The following LSAMP variants were observed in gnomAD, a reference collection of about 807,000 sequenced individuals.
LSAMP encodes limbic system associated membrane protein, also known as limbic system-associated membrane protein.
A neutral mutation model predicts 38.6 loss-of-function variants in LSAMP; 7 were observed. The ratio of observed to expected loss-of-function variants is 0.18; its 90% CI spans 0.10 to 0.34. The LOEUF is 0.34. LSAMP is among the 10% of genes least tolerant of loss of function. The pLI is 1.00. For synonymous variants in LSAMP, 154 were observed against 166.8 expected (o/e 0.92, Z 0.59); for missense variants, 313 against 420.0 (o/e 0.75, Z 2.23).
At chr3:116,066,134 C>G (rs1707422220) in intron 2 of LSAMP, among the ~76,000 whole-genome samples, 1 of 152,056 alleles carries the variant, frequency 6.6e-6, no homozygotes, top group African/African-American at 2.4e-5. Flanking sequence ...TGATGAGGAC[C>G]CACTTCCTGG....
chr3:115,875,708 A>G (rs1936162948), intron 3 of LSAMP, among the ~76,000 whole-genome samples: 1 of 152,044 alleles, frequency 6.6e-6, no homozygotes, highest in African/African-American at 2.4e-5. Flanking sequence ...CCTCATTAGC[A>G]TTATTTCCAG....
chr3:116,192,784 C>G (rs1710783570), intron 1 of LSAMP, among the ~76,000 whole-genome samples: 1 of 152,110 alleles, frequency 6.6e-6, no homozygotes, highest in Non-Finnish European at 1.5e-5. Context: ...TCTTTTGAAG[C>G]AATTAGGTTA....
chr3:116,141,490 T>C (rs900102564), intron 1 of LSAMP, among the ~76,000 whole-genome samples: 1 of 151,956 alleles, frequency 6.6e-6, no homozygotes, highest in African/African-American at 2.4e-5. Flanking sequence ...CATTATACTC[T>C]GCGATTTTCG....
In LSAMP at chr3:115,806,380, CA is replaced by C. The variant is rs947185816; in HGVS notation, c.*3936del. ...CAAATAATTCGAGCCCTGCAAAGAACAAAATGAAAAATTCAGGGAGAATAGC... is the reference window on the plus strand; with the variant it reads ...CAAATAATTCGAGCCCTGCAAAGAACAAATGAAAAATTCAGGGAGAATAGC... On this transcript the variant is annotated 3_prime_UTR_variant, in exon 7 of 7. Coordinates refer to ENST00000490035, the MANE Select transcript of LSAMP (RefSeq NM_002338.5). 2.6e-5 allele frequency: 4 copies of C among 151,978 alleles called. No individual in the cohort carries two copies. The highest frequency in any genetic ancestry group is 2.0e-4 in the Admixed American group (3 of 15,246). The allele number at this position is 151,978 out of a possible 1,614,324, so 9.4% of individuals were successfully genotyped here.
At chr3:116,354,953 C>T (rs1241560631) in intron 1 of LSAMP, among the ~76,000 whole-genome samples, 5 of 151,688 alleles carry the variant, frequency 3.3e-5, no homozygotes, top group African/African-American at 1.2e-4. Flanking sequence ...TATCAAATGG[C>T]ATGACTGATT....
chr3:116,168,143 T>G (rs564493811), intron 1 of LSAMP, among the ~76,000 whole-genome samples: 1 of 152,370 alleles, frequency 6.6e-6, no homozygotes, highest in Admixed American at 6.5e-5. Context: ...TTGTTCCTTT[T>G]TCTAAATAAT....
In LSAMP at chr3:116,004,661, T is replaced by C. The variant is rs181443337; in HGVS notation, c.514+14854A>G. ...GCATGTATATACATATATGTATATATGTATGTACTTTTATACCATTTTTAT... is the reference window on the plus strand; with the variant it reads ...GCATGTATATACATATATGTATATACGTATGTACTTTTATACCATTTTTAT... On this transcript the variant is annotated intron_variant, in intron 3 of 6. Coordinates refer to ENST00000490035, the MANE Select transcript of LSAMP (RefSeq NM_002338.5). Among the ~76,000 whole-genome samples the C allele has an allele frequency of 2.0e-4, 31 of 151,968 alleles. No homozygotes were observed. The East Asian group carries it at 5.8e-3, about 28-fold the overall frequency.
chr3:116,051,347 G>C (rs540485829), intron 2 of LSAMP: 2 of 152,154 alleles, frequency 1.3e-5, no homozygotes, highest in African/African-American at 4.8e-5. Flanking sequence ...GATTAGTGAG[G>C]GAAAAAAAGA....
intron 1 of LSAMP, among the ~76,000 whole-genome samples, chr3:116,104,816 C>T (rs754363544): frequency 6.6e-6 from 1 of 152,174 alleles, no homozygotes; most frequent in Non-Finnish European, 1.5e-5. Context: ...CCTAAATCTA[C>T]ACAAAAAGAC....
chr3:116,210,023 G>T (rs1172220401), intron 1 of LSAMP, among the ~76,000 whole-genome samples: 2 of 152,064 alleles, frequency 1.3e-5, no homozygotes, highest in Non-Finnish European at 2.9e-5. Flanking sequence ...CAAAGTCCTG[G>T]GATTACAGGC....
In LSAMP at chr3:116,397,405, A is replaced by G. The variant is rs2048783382; in HGVS notation, c.155+47472T>C. 3.1e-5 allele frequency among the ~76,000 whole-genome samples: 3 copies of G among 96,906 alleles called. No homozygotes were observed. The South Asian group carries it at 1.2e-3, about 40-fold the overall frequency. 63.6% of individuals were successfully genotyped at this position (96,906 alleles called of 152,430 possible). A position where few individuals can be genotyped will look rare whatever the true frequency, so the allele number is the denominator to read the frequency against. ...ATACCCGCCCCCCCCCCACACACAC[A>G]TACACACACATAAACCTTTGAAAAC... On this transcript the variant is annotated intron_variant, in intron 1 of 6. Transcript: ENST00000490035.
At chr3:116,438,939 A>G (rs576170430) in intron 1 of LSAMP, among the ~76,000 whole-genome samples, 2 of 152,272 alleles carry the variant, frequency 1.3e-5, no homozygotes, top group African/African-American at 4.8e-5. Context: ...TATATTTCTC[A>G]AACGATACAA....
intron 1 of LSAMP, among the ~76,000 whole-genome samples, chr3:116,252,257 C>T (rs1019560916): frequency 6.6e-6 from 1 of 152,144 alleles, no homozygotes; most frequent in African/African-American, 2.4e-5. Context: ...TTAAGGAGGG[C>T]AAGGCAGTTG....
chr3:116,435,688 G>A (rs1459678161), intron 1 of LSAMP, among the ~76,000 whole-genome samples: 2 of 152,114 alleles, frequency 1.3e-5, no homozygotes, highest in African/African-American at 2.4e-5. Flanking sequence ...TTAGCCCAAG[G>A]TAAATTTTGT....
At chr3:115,985,548 A>G (rs900835011) in intron 3 of LSAMP, among the ~76,000 whole-genome samples, 2 of 152,200 alleles carry the variant, frequency 1.3e-5, no homozygotes, top group Non-Finnish European at 2.9e-5. Context: ...TACCCATGTT[A>G]TCCTACAGTT....
chr3:116,254,947 TA>T (rs1438017815), intron 1 of LSAMP, among the ~76,000 whole-genome samples: 1 of 152,156 alleles, frequency 6.6e-6, no homozygotes, highest in African/African-American at 2.4e-5. Flanking sequence ...ACTTAAAGAT[TA>T]AAGGGACACT....
chr3:116,188,153 C>G (rs1710668286), intron 1 of LSAMP, among the ~76,000 whole-genome samples: 1 of 152,032 alleles, frequency 6.6e-6, no homozygotes, highest in South Asian at 2.1e-4. Context: ...TCTATATGAC[C>G]TTAAATGCCC....
chr3:115,982,949 T>TA (rs397691088), intron 3 of LSAMP, among the ~76,000 whole-genome samples: 14 of 142,280 alleles, frequency 9.8e-5, no homozygotes, highest in South Asian at 8.8e-4. Flanking sequence ...TTTTTTTTTT[T>TA]AAATCCAGTC....
chr3:115,806,705 G>A lies in LSAMP; in HGVS notation c.*3612C>T, dbSNP rs1933637482. ...GAAGTCTGTCTGACTTGGAAGAGAA[G>A]GCAAAGGTCAATGGGGCAGTCCTTC... On this transcript the variant is annotated 3_prime_UTR_variant, in exon 7 of 7. Transcript: ENST00000490035. 1 of 152,196 alleles carries A rather than the reference G, an allele frequency of 6.6e-6. No individual in the cohort carries two copies. Among genetic ancestry groups the A allele is most frequent in the South Asian group, 2.1e-4 (1 of 4,834 alleles). 9.4% of individuals were successfully genotyped at this position (152,196 alleles called of 1,614,324 possible).
Sources: allele counts gnomAD v4.1 joint callset (sites outside exome capture counted in the v4.1 genomes callset), GRCh38; gene constraint gnomAD v4.1.1; transcripts MANE v1.5; gene names NCBI Gene and HGNC (gene_info 2026-07-23, HGNC 2026-07-21).